OLFM4: variants seen among roughly 807,000 people sequenced by gnomAD.
OLFM4 encodes olfactomedin-4.
OLFM4 carries 22 observed loss-of-function variants against 25.5 expected under a neutral mutation model. The observed-to-expected ratio is 0.86, with a 90% CI of 0.62 to 1.23. The LOEUF is 1.23. OLFM4 is among the 50% of genes most tolerant of loss of function. The pLI is 0.00. For synonymous variants in OLFM4, 255 were observed against 237.7 expected (o/e 1.07, Z -0.67); for missense variants, 594 against 619.4 (o/e 0.96, Z 0.44).
chr13:53,046,855 A>T (rs1338161978), intron 4 of OLFM4, among the ~76,000 whole-genome samples: 1 of 152,210 alleles, frequency 6.6e-6, no homozygotes, highest in African/African-American at 2.4e-5. Context: ...TTGCTCAAGG[A>T]TACACAACTA....
chr13:53,032,218 G>C (rs558732422), intron 1 of OLFM4, among the ~76,000 whole-genome samples: 1 of 152,318 alleles, frequency 6.6e-6, no homozygotes, highest in South Asian at 2.1e-4. Context: ...CTAATTGACT[G>C]TCTAGAGATT....
intron 2 of OLFM4, among the ~76,000 whole-genome samples, chr13:53,039,923 A>G (rs1347622125): frequency 6.6e-6 from 1 of 152,144 alleles, no homozygotes; most frequent in African/African-American, 2.4e-5. Flanking sequence ...AGTCTACTTT[A>G]ATTTGCACAA....
At chr13:53,045,027 G>A (rs1194796219) in intron 4 of OLFM4, among the ~76,000 whole-genome samples, 1 of 152,144 alleles carries the variant, frequency 6.6e-6, no homozygotes, top group Non-Finnish European at 1.5e-5. Flanking sequence ...AGACGTGGAT[G>A]GTAAGAACGC....
chr13:53,049,768 A>G lies in OLFM4; in HGVS notation c.731-201A>G, dbSNP rs557885624. On this transcript the variant is annotated intron_variant, in intron 4 of 4. Coordinates refer to ENST00000219022, the MANE Select transcript of OLFM4 (RefSeq NM_006418.5). ...ATGGAAACAGAATGTAGTTCTCTGT[A>G]GAGCTGACATTGGGTTTGCATTGAG... 1.1e-3 allele frequency among the ~76,000 whole-genome samples: 164 copies of G among 152,282 alleles called. 1 individual carries two copies. The highest frequency in any genetic ancestry group is 2.0e-3 in the Non-Finnish European group (139 of 68,024).
intron 4 of OLFM4, among the ~76,000 whole-genome samples, chr13:53,044,098 A>G (rs1954702655): frequency 6.6e-6 from 1 of 152,212 alleles, no homozygotes; most frequent in Non-Finnish European, 1.5e-5. Flanking sequence ...CCTGCCTTGC[A>G]GGGTGGCTGT....
intron 1 of OLFM4, among the ~76,000 whole-genome samples, chr13:53,034,058 A>G (rs1954644010): frequency 8.7e-6 from 1 of 114,836 alleles, no homozygotes; most frequent in Admixed American, 8.4e-5. Flanking sequence ...CTCCGTCTCA[A>G]AAAAAAAAAA....
chr13:53,051,936 A>C lies in OLFM4; in HGVS notation c.*1165A>C, dbSNP rs956273694. ...TGATGTGCTTCTGTGCTTTTGAATG[A>C]CTTTATCATCTAGTCTTTGTCTATT... On this transcript the variant is annotated 3_prime_UTR_variant, in exon 5 of 5. Coordinates refer to ENST00000219022, the MANE Select transcript of OLFM4 (RefSeq NM_006418.5). The C allele has an allele frequency of 6.6e-6, 1 of 152,126 alleles. No homozygotes were observed. Among genetic ancestry groups the C allele is most frequent in the African/African-American group, 2.4e-5 (1 of 41,394 alleles). The allele number at this position is 152,126 out of a possible 1,614,324, so 9.4% of individuals were successfully genotyped here.
In OLFM4 at chr13:53,039,748, A is replaced by ACC. The variant is rs574999228; in HGVS notation, c.358-2161_358-2160dup. On this transcript the variant is annotated intron_variant, in intron 2 of 4. Transcript: ENST00000219022. ...TATATATGTTTTAACCTCCCTATCC[A>ACC]CCAAAATATCACCAGCTTTGTCATC... Among the ~76,000 whole-genome samples, 782 of 152,264 alleles carry ACC rather than the reference A, an allele frequency of 5.1e-3. 4 individuals carry two copies. The highest frequency in any genetic ancestry group is 8.5e-3 in the Non-Finnish European group (577 of 68,026).
At chr13:53,040,704 A>G (rs35559066) in intron 2 of OLFM4, among the ~76,000 whole-genome samples, 7,756 of 152,078 alleles carry the variant, frequency 0.051, 274 homozygotes, top group East Asian at 0.19. Flanking sequence ...TCACAGCACA[A>G]CCCCCACAAG....
chr13:53,041,811 G>T, intron 2 of OLFM4, 99 bp from the exon 3 acceptor site: 1 of 735,900 alleles, frequency 1.4e-6, no homozygotes, highest in Non-Finnish European at 2.3e-6. Context: ...ACAATGATTG[G>T]CAAGAATCAA....
At chr13:53,043,571 G>A (rs1954700147) in intron 4 of OLFM4, among the ~76,000 whole-genome samples, 1 of 152,094 alleles carries the variant, frequency 6.6e-6, no homozygotes, top group South Asian at 2.1e-4. Context: ...CTATGGTGAT[G>A]GAGGCCCTAT....
At chr13:53,045,227 AT>A (rs757982392) in intron 4 of OLFM4, among the ~76,000 whole-genome samples, 9 of 149,584 alleles carry the variant, frequency 6.0e-5, no homozygotes, top group South Asian at 4.3e-4. Context: ...TTTTTGTTGG[AT>A]TTTTTTTTTC....
chr13:53,034,280 T>C, intron 1 of OLFM4, 68 bp from the exon 2 acceptor site: 1 of 1,540,012 alleles, frequency 6.5e-7, no homozygotes, highest in Non-Finnish European at 8.9e-7. Flanking sequence ...AGCCAATTTC[T>C]GTCACTCCAG....
chr13:53,034,580 A>G, intron 2 of OLFM4, 80 bp downstream of exon 2: 1 of 1,254,186 alleles, frequency 8.0e-7, no homozygotes. Context: ...TTTATAAGCA[A>G]TCATTCTTCA....
At chr13:53,044,165 G>A (rs992920454) in intron 4 of OLFM4, among the ~76,000 whole-genome samples, 2 of 152,172 alleles carry the variant, frequency 1.3e-5, no homozygotes, top group African/African-American at 4.8e-5. Context: ...GCACTCACAC[G>A]CTGGCAATGG....
intron 4 of OLFM4, among the ~76,000 whole-genome samples, chr13:53,048,492 A>G (rs75501645): frequency 0.028 from 4,256 of 152,294 alleles, 88 homozygotes; most frequent in Middle Eastern, 0.048. Flanking sequence ...AAAAATAAAA[A>G]CAGAATTTCT....
intron 2 of OLFM4, among the ~76,000 whole-genome samples, chr13:53,034,979 C>T (rs1342159106): frequency 6.6e-6 from 1 of 151,998 alleles, no homozygotes; most frequent in East Asian, 1.9e-4. Flanking sequence ...ATTTCTCTTG[C>T]CTCAATCCTT....
intron 4 of OLFM4, among the ~76,000 whole-genome samples, chr13:53,048,799 A>G (rs529020260): frequency 6.6e-6 from 1 of 152,316 alleles, no homozygotes; most frequent in African/African-American, 2.4e-5. Context: ...TCTGAGCAGC[A>G]GGACGAGGGA....
Position 53,050,728 on chromosome 13 carries a change from A to G in OLFM4, c.1490A>G (p.Tyr497Cys). ...AAACTTTATGTCTATAACGATGGTT[A>G]CCTTCTGAATTATGATCTTTCTGTC... Reference protein sequence around the residue: ...DQKLYVYNDGYLLNYDLSVLQ... With the variant: ...DQKLYVYNDGCLLNYDLSVLQ... The change falls in exon 5 of 5, where the codon TAC becomes TGC. Residue 497 changes from tyrosine (Y) to cysteine (C), a missense_variant. Transcript: ENST00000219022. 1 of 1,609,378 alleles carries G rather than the reference A, an allele frequency of 6.2e-7. No homozygotes were observed. The highest frequency in any genetic ancestry group is 8.5e-7 in the Non-Finnish European group (1 of 1,178,204).
Sources: allele counts gnomAD v4.1 joint callset (sites outside exome capture counted in the v4.1 genomes callset), GRCh38; gene constraint gnomAD v4.1.1; transcripts MANE v1.5; gene names NCBI Gene and HGNC (gene_info 2026-07-23, HGNC 2026-07-21).